Variants in LTN1 observed in about 807,000 individuals in gnomAD.
LTN1 encodes E3 ubiquitin-protein ligase listerin.
LTN1 carries 88 observed loss-of-function variants against 201.2 expected under a neutral mutation model. That is an observed-to-expected ratio of 0.44 (90% CI 0.37 to 0.52). The LOEUF (loss-of-function observed/expected upper bound fraction) is 0.52. LTN1 is among the 20% of genes least tolerant of loss of function. The pLI is 0.00. For synonymous variants in LTN1, 645 were observed against 713.5 expected, an observed-to-expected ratio of 0.90 and a Z score of 1.53; for missense variants, 1,752 against 2,038.7, an observed-to-expected ratio of 0.86 and a Z score of 2.71.
At chr21:28,960,461 C>T in intron 12 of LTN1, 56 bp downstream of exon 12, 2 of 1,391,738 alleles carry the variant, frequency 1.4e-6, no homozygotes, top group African/African-American at 1.4e-5. Flanking sequence ...TGCAATCCCC[C>T]ACAAAGGAGA....
At chr21:28,969,437 G>A (rs1366635887) in intron 9 of LTN1, 29 bp downstream of exon 9, 10 of 1,588,248 alleles carry the variant, frequency 6.3e-6, no homozygotes, top group Non-Finnish European at 7.7e-6. Context: ...AGTATGCAAA[G>A]AGACTGACGA....
chr21:28,960,901 C>T (rs1421416825), intron 11 of LTN1, 195 bp from the exon 12 acceptor site: 15 of 406,426 alleles, frequency 3.7e-5, no homozygotes, highest in Middle Eastern at 1.3e-3. Context: ...TTCACTTCCA[C>T]GCTTTGCTGT....
intron 9 of LTN1, among the ~76,000 whole-genome samples, chr21:28,969,026 GC>G (rs1179166094): frequency 6.6e-6 from 1 of 151,796 alleles, no homozygotes; most frequent in African/African-American, 2.4e-5. Flanking sequence ...TTCTCGACCA[GC>G]CTGGCCAACA....
intron 21 of LTN1, among the ~76,000 whole-genome samples, 176 bp downstream of exon 21, chr21:28,945,631 A>G (rs1244369115): frequency 6.6e-6 from 1 of 152,226 alleles, no homozygotes; most frequent in African/African-American, 2.4e-5. Context: ...TTAAAAATCT[A>G]TCATTTTACT....
chr21:28,972,272 A>G (rs1482499849), intron 6 of LTN1, among the ~76,000 whole-genome samples: 2 of 152,212 alleles, frequency 1.3e-5, no homozygotes, highest in African/African-American at 4.8e-5. Context: ...CAGAACCGTG[A>G]GAAATAAATT....
intron 1 of LTN1, among the ~76,000 whole-genome samples, chr21:28,991,892 A>G (rs1191837734): frequency 6.6e-6 from 1 of 152,218 alleles, no homozygotes; most frequent in Non-Finnish European, 1.5e-5. Context: ...ATAAAAAAAT[A>G]CCATTACAAA....
At chr21:28,958,670 C>T (rs1419075106) in intron 13 of LTN1, 131 bp from the exon 14 acceptor site, 1 of 605,724 alleles carries the variant, frequency 1.7e-6, no homozygotes, top group African/African-American at 1.9e-5. Context: ...TTTTAAATTG[C>T]CATTCAAAAT....
chr21:28,949,846 C>T (rs1399479581), intron 18 of LTN1, among the ~76,000 whole-genome samples: 1 of 152,120 alleles, frequency 6.6e-6, no homozygotes, highest in Non-Finnish European at 1.5e-5. Flanking sequence ...CTTCCAAACA[C>T]ACAACCAATT....
rs1430280321 is a variant in LTN1, at chr21:28,947,515, A to G, written c.3436T>C (p.Cys1146Arg). The change falls in exon 19 of 30, where the codon TGT (cysteine) becomes CGT (arginine). Residue 1146 changes from cysteine to arginine, a missense_variant. Cys to Arg is a radical substitution (Grantham distance 180). Transcript: ENST00000361371. ...GTCCAGCCCAAAAGAGCAGGTATACATTGAGCACTAAATTCTTTCTTTTCT... is the reference window on the plus strand; with the variant it reads ...GTCCAGCCCAAAAGAGCAGGTATACGTTGAGCACTAAATTCTTTCTTTTCT... ...KEEKKEFSAQ[C>R]IPALLGWTKK... is the part of the protein sequence containing the mutation. 1.3e-6 allele frequency: 2 copies of G among 1,586,364 alleles called. No homozygotes were observed. The highest frequency in any genetic ancestry group is 1.7e-6 in the Non-Finnish European group (2 of 1,167,456).
intron 4 of LTN1, among the ~76,000 whole-genome samples, chr21:28,983,006 A>T (rs957102290): frequency 3.3e-5 from 5 of 152,246 alleles, no homozygotes; most frequent in Non-Finnish European, 7.3e-5. Flanking sequence ...GCCCAAGGTC[A>T]CACACCTAGT....
rs1246887679 is a variant in LTN1, at chr21:28,981,219, CA to C, written c.709del (p.Cys237AlafsTer42). 1 of 1,598,900 alleles carries C rather than the reference CA, an allele frequency of 6.3e-7. No homozygotes were observed. The highest frequency in any genetic ancestry group is 1.3e-5 in the African/African-American group (1 of 74,134). ...ATCAAGCTCATTATCAGGTAAAAGG[CA>C]AAGTAATCTCTTTAATGCCAATAAG... ...CSLLALKRLL[C>X]LLPDNELDSL... On this transcript the variant is annotated frameshift_variant, in exon 6 of 30. Coordinates refer to ENST00000361371, the MANE Select transcript of LTN1 (RefSeq NM_015565.3). LOFTEE classifies it high-confidence loss of function.
At chr21:28,958,280 C>A (rs548692856) in intron 14 of LTN1, 106 bp downstream of exon 14, 1 of 1,054,134 alleles carries the variant, frequency 9.5e-7, no homozygotes, top group Non-Finnish European at 1.4e-6. Context: ...TAGGGACGAG[C>A]CCTACAAGTC....
intron 27 of LTN1, among the ~76,000 whole-genome samples, chr21:28,932,910 T>C (rs1428252806): frequency 6.6e-6 from 1 of 152,238 alleles, no homozygotes; most frequent in Non-Finnish European, 1.5e-5. Flanking sequence ...AAAGGTTTTA[T>C]TATATTAGGC....
In LTN1 at chr21:28,947,570, A is replaced by C. The variant is rs886303046; in HGVS notation, c.3381T>G (p.Ile1127Met). 12 of 1,582,626 alleles carry C rather than the reference A, an allele frequency of 7.6e-6. No homozygotes were observed. The African/African-American group carries it at 1.4e-4, about 18-fold the overall frequency. Reference sequence around the variant, plus strand: ...TTGACAAAAATGGACATAGACTTTGAATGGTATGCAAATTGCCTTCAGTTA... The same window carrying C: ...TTGACAAAAATGGACATAGACTTTGCATGGTATGCAAATTGCCTTCAGTTA... ...FPLTEGNLHT[I>M]QSLCPFLSKE... The change falls in exon 19 of 30, where the codon ATT becomes ATG. Residue 1127 changes from isoleucine (I) to methionine (M), a missense_variant. Around this residue, in one of 3 missense-constraint regions of LTN1, gnomAD observed 1,211 missense variants for 1,312.8 expected, o/e 0.92. Coordinates refer to ENST00000361371, the MANE Select transcript of LTN1 (RefSeq NM_015565.3).
chr21:28,984,704 A>G lies in LTN1; in HGVS notation c.564T>C (p.Asp188=). Reference sequence around the variant, plus strand: ...TTCCAGAACTTACACTTGTAATTTCATCCTTACAAAATGCTATGGCTTCAG... The same window carrying G: ...TTCCAGAACTTACACTTGTAATTTCGTCCTTACAAAATGCTATGGCTTCAG... ...KQPEAIAFCK[D]EITSVLQDHL... The change falls in exon 4 of 30, where the codon GAT becomes GAC. Residue 188 remains aspartate, a synonymous_variant. Coordinates refer to ENST00000361371, the MANE Select transcript of LTN1 (RefSeq NM_015565.3). 6.2e-7 allele frequency: 1 copy of G among 1,612,064 alleles called. No individual in the cohort carries two copies. The highest frequency in any genetic ancestry group is 1.1e-5 in the South Asian group (1 of 90,698).
At chr21:28,940,252 T>G (rs1210726812) in intron 25 of LTN1, among the ~76,000 whole-genome samples, 5 of 152,190 alleles carry the variant, frequency 3.3e-5, no homozygotes, top group Non-Finnish European at 5.9e-5. Context: ...TGATCTCAGC[T>G]CACTGCAACC....
intron 25 of LTN1, among the ~76,000 whole-genome samples, chr21:28,939,101 C>A (rs771855297): frequency 3.0e-4 from 45 of 151,988 alleles, no homozygotes; most frequent in Non-Finnish European, 5.2e-4. Context: ...TTAAAAAAAC[C>A]AATACAACAA....
intron 6 of LTN1, among the ~76,000 whole-genome samples, chr21:28,980,112 G>A (rs2084646923): frequency 6.6e-6 from 1 of 152,088 alleles, no homozygotes; most frequent in African/African-American, 2.4e-5. Flanking sequence ...CTCTCATACT[G>A]TAAACAAGTG....
At chr21:28,980,118 A>G (rs75368583) in intron 6 of LTN1, among the ~76,000 whole-genome samples, 409 of 152,216 alleles carry the variant, frequency 2.7e-3, no homozygotes, top group African/African-American at 9.5e-3. Context: ...TACTGTAAAC[A>G]AGTGTCCTTT....
Sources: allele counts gnomAD v4.1 joint callset (sites outside exome capture counted in the v4.1 genomes callset), GRCh38; gene constraint gnomAD v4.1.1; regional missense constraint gnomAD v4.1.1; transcripts MANE v1.5; gene names NCBI Gene and HGNC (gene_info 2026-07-23, HGNC 2026-07-21).